The following LRRC4C variants were observed in gnomAD, a reference collection of about 807,000 sequenced individuals.
LRRC4C encodes the protein leucine-rich repeat-containing protein 4C.
LRRC4C carries 5 observed loss-of-function variants against 33.6 expected under a neutral mutation model. That is an observed-to-expected ratio of 0.15 (90% CI 0.08 to 0.31). LRRC4C has a LOEUF of 0.31. Among genes scored for constraint, LRRC4C ranks in the 10% least tolerant of loss-of-function variants. LRRC4C has a pLI of 1.00. For synonymous variants in LRRC4C, 329 were observed against 302.0 expected (o/e 1.09, Z -0.93); for missense variants, 560 against 796.7 (o/e 0.70, Z 3.58).
intron 1 of LRRC4C, among the ~76,000 whole-genome samples, chr11:41,364,500 T>C (rs967756708): frequency 6.6e-6 from 1 of 152,082 alleles, no homozygotes; most frequent in African/African-American, 2.4e-5. Flanking sequence ...GGTCTCGAAC[T>C]CCTGACCTCA....
At chr11:40,693,971 C>G (rs1945356244) in intron 2 of LRRC4C, among the ~76,000 whole-genome samples, 1 of 152,194 alleles carries the variant, frequency 6.6e-6, no homozygotes, top group East Asian at 1.9e-4. Flanking sequence ...CTGATTTGCC[C>G]TGCGGGGTGT....
At chr11:40,456,963 T>G (rs1480952464) in intron 3 of LRRC4C, among the ~76,000 whole-genome samples, 1 of 151,788 alleles carries the variant, frequency 6.6e-6, no homozygotes, top group Non-Finnish European at 1.5e-5. Context: ...CTTTAAAAAT[T>G]ATGTGTGCTA....
chr11:40,435,390 T>G (rs1304469887), intron 3 of LRRC4C, among the ~76,000 whole-genome samples: 1 of 152,244 alleles, frequency 6.6e-6, no homozygotes, highest in African/African-American at 2.4e-5. Flanking sequence ...TAAAACTTTT[T>G]GAATTGCTAT....
chr11:40,651,863 G>A (rs572255981), intron 2 of LRRC4C, among the ~76,000 whole-genome samples: 36 of 152,178 alleles, frequency 2.4e-4, no homozygotes, highest in Middle Eastern at 3.4e-3. Context: ...TTATTTATGC[G>A]TGTCTTTATT....
At chr11:41,099,942 T>C (rs929124742) in intron 1 of LRRC4C, among the ~76,000 whole-genome samples, 1 of 152,126 alleles carries the variant, frequency 6.6e-6, no homozygotes, top group African/African-American at 2.4e-5. Flanking sequence ...GAAAACCCCA[T>C]AGTCTGAGTG....
intron 1 of LRRC4C, among the ~76,000 whole-genome samples, chr11:41,226,592 T>C (rs7116960): frequency 0.059 from 8,920 of 152,070 alleles, 494 homozygotes; most frequent in African/African-American, 0.14. Flanking sequence ...TTGCTTACAG[T>C]CAACCCTTTC....
intron 3 of LRRC4C, among the ~76,000 whole-genome samples, chr11:40,452,878 G>C (rs1342608048): frequency 6.6e-6 from 1 of 152,168 alleles, no homozygotes; most frequent in Admixed American, 6.5e-5. Flanking sequence ...CATGTCCTTT[G>C]TAGGGACATG....
chr11:40,748,833 A>G (rs1338043166), intron 2 of LRRC4C, among the ~76,000 whole-genome samples: 1 of 152,142 alleles, frequency 6.6e-6, no homozygotes, highest in East Asian at 1.9e-4. Context: ...GAATAGCTAT[A>G]CATATATTGA....
At chr11:41,435,712 G>A (rs968507015) in intron 1 of LRRC4C, among the ~76,000 whole-genome samples, 8 of 152,146 alleles carry the variant, frequency 5.3e-5, no homozygotes, top group African/African-American at 1.7e-4. Context: ...TATTATGTAG[G>A]TCATCATTTC....
intron 1 of LRRC4C, among the ~76,000 whole-genome samples, chr11:41,254,856 A>G (rs999012348): frequency 6.6e-6 from 1 of 152,052 alleles, no homozygotes; most frequent in African/African-American, 2.4e-5. Flanking sequence ...CTGTGGTTAT[A>G]AAACTTTTAT....
intron 1 of LRRC4C, among the ~76,000 whole-genome samples, chr11:41,035,545 GA>G (rs1401556688): frequency 3.9e-5 from 6 of 152,098 alleles, no homozygotes; most frequent in Non-Finnish European, 7.4e-5. Flanking sequence ...CCATGTCCCT[GA>G]AAAGGACATG....
chr11:40,501,389 C>T (rs921091419), intron 3 of LRRC4C, among the ~76,000 whole-genome samples: 2 of 152,204 alleles, frequency 1.3e-5, no homozygotes, highest in Non-Finnish European at 2.9e-5. Context: ...CATTTCCCTT[C>T]CGCACTGCCC....
chr11:40,600,596 T>C (rs922947182), intron 3 of LRRC4C, among the ~76,000 whole-genome samples: 1 of 152,208 alleles, frequency 6.6e-6, no homozygotes, highest in Non-Finnish European at 1.5e-5. Context: ...TTGAGAATCA[T>C]TGTGCTAGTA....
intron 1 of LRRC4C, among the ~76,000 whole-genome samples, chr11:41,265,863 G>T (rs1043335617): frequency 6.6e-5 from 5 of 75,310 alleles, no homozygotes; most frequent in African/African-American, 2.8e-4. Flanking sequence ...AATGCCCATG[G>T]GTCTTTTCTT....
rs117696468 is a variant in LRRC4C, at chr11:40,559,534, A to G, written c.-270+88608T>C. Among the ~76,000 whole-genome samples the G allele has an allele frequency of 6.5e-3, 988 of 152,226 alleles. 6 individuals carry two copies. The highest frequency in any genetic ancestry group is 9.5e-3 in the Non-Finnish European group (643 of 68,010). ...TTTATATTCCTCTGGGTATCTACCT[A>G]GTAATGGAATTGCTGGGTGGGATGG... is the stretch of plus-strand genomic sequence containing the variant. On this transcript the variant is annotated intron_variant, in intron 3 of 6. Coordinates refer to ENST00000528697, the MANE Select transcript of LRRC4C (RefSeq NM_001258419.2).
At chr11:41,277,931 C>T (rs139421809) in intron 1 of LRRC4C, among the ~76,000 whole-genome samples, 69 of 151,718 alleles carry the variant, frequency 4.5e-4, no homozygotes, top group African/African-American at 1.5e-3. Flanking sequence ...TTAAGTCAGG[C>T]GCAGAAAGAC....
intron 3 of LRRC4C, among the ~76,000 whole-genome samples, chr11:40,333,732 A>G (rs1565283515): frequency 6.6e-6 from 1 of 151,710 alleles, no homozygotes; most frequent in Non-Finnish European, 1.5e-5. Flanking sequence ...AAAAAAAAAA[A>G]AAAAAAAAAG....
intron 1 of LRRC4C, among the ~76,000 whole-genome samples, chr11:41,060,525 T>C (rs766100319): frequency 5.3e-5 from 8 of 152,268 alleles, no homozygotes; most frequent in Non-Finnish European, 8.8e-5. Context: ...CTTTTCTAGG[T>C]GTACGCATAT....
At chr11:40,998,261 TA>T (rs3075559) in intron 1 of LRRC4C, among the ~76,000 whole-genome samples, 129 of 149,232 alleles carry the variant, frequency 8.6e-4, no homozygotes, top group Middle Eastern at 3.5e-3. Context: ...TCCCAGAACT[TA>T]AAAAAAAAAA....
Sources: allele counts gnomAD v4.1 joint callset (sites outside exome capture counted in the v4.1 genomes callset), GRCh38; gene constraint gnomAD v4.1.1; transcripts MANE v1.5; gene names NCBI Gene and HGNC (gene_info 2026-07-23, HGNC 2026-07-21).